The following HSD17B2 variants were observed in gnomAD, a reference collection of about 807,000 sequenced individuals.
The protein encoded by HSD17B2 is hydroxysteroid 17-beta dehydrogenase 2, also known as 17-beta-hydroxysteroid dehydrogenase type 2.
HSD17B2 carries 32 observed loss-of-function variants against 26.9 expected under a neutral mutation model. That is an observed-to-expected ratio of 1.19 (90% confidence interval 0.90 to 1.60). The LOEUF is 1.60. Ranked by LOEUF, HSD17B2 falls within the 40% of genes most tolerant of loss-of-function variation. HSD17B2 has a pLI of 0.00. For missense variants in HSD17B2, 613 were observed against 468.6 expected, an observed-to-expected ratio of 1.31 and a Z score of -2.85; for synonymous variants, 246 against 186.7, an observed-to-expected ratio of 1.32 and a Z score of -2.59.
At chr16:82,056,908 C>A (rs1364629665) in intron 1 of HSD17B2, among the ~76,000 whole-genome samples, 1 of 152,164 alleles carries the variant, frequency 6.6e-6, no homozygotes, top group African/African-American at 2.4e-5. Flanking sequence ...TATATTCTTT[C>A]TGAAGCTTGG....
chr16:82,084,968 CTT>C (rs970494209), intron 3 of HSD17B2, among the ~76,000 whole-genome samples: 4 of 152,234 alleles, frequency 2.6e-5, no homozygotes, highest in African/African-American at 7.2e-5. Flanking sequence ...AAACAATCCT[CTT>C]GTCTTGGCCT....
Position 82,076,110 on chromosome 16 carries a change from A to G in HSD17B2, c.664+4983A>G, listed in dbSNP as rs1904299630. 2.6e-5 allele frequency among the ~76,000 whole-genome samples: 4 copies of G among 152,208 alleles called. No individual in the cohort carries two copies. The South Asian group carries it at 8.3e-4, about 32-fold the overall frequency. On this transcript the variant is annotated intron_variant, in intron 3 of 4. Coordinates refer to ENST00000199936, the MANE Select transcript of HSD17B2 (RefSeq NM_002153.3). Reference sequence around the variant, plus strand: ...TCAATCAGTGTGATACATAATCTCAACAGAATGAAGGACAAAACCATATGA... The same window carrying G: ...TCAATCAGTGTGATACATAATCTCAGCAGAATGAAGGACAAAACCATATGA...
Position 82,035,340 on chromosome 16 carries a change from C to G in HSD17B2, c.-85C>G. 3 of 1,367,516 alleles carry G rather than the reference C, an allele frequency of 2.2e-6. No individual in the cohort carries two copies. The highest frequency in any genetic ancestry group is 3.0e-6 in the Non-Finnish European group (3 of 988,996). 84.7% of individuals were successfully genotyped at this position (1,367,516 alleles called of 1,614,324 possible). A position where few individuals can be genotyped will look rare whatever the true frequency, so the allele number is the denominator to read the frequency against. ...TCCCCTCCCTTCTTGACTCTCTGTT[C>G]ACAGAACTCAGGCTGCCTCCAGCCA... On this transcript the variant is annotated 5_prime_UTR_variant, in exon 1 of 5. Coordinates refer to ENST00000199936, the MANE Select transcript of HSD17B2 (RefSeq NM_002153.3).
intron 2 of HSD17B2, among the ~76,000 whole-genome samples, chr16:82,070,593 G>A (rs186830739): frequency 6.6e-6 from 1 of 152,228 alleles, no homozygotes; most frequent in Non-Finnish European, 1.5e-5. Context: ...CCCTATCAGT[G>A]GTTCCCTATC....
At chr16:82,082,301 G>A (rs1904405170) in intron 3 of HSD17B2, among the ~76,000 whole-genome samples, 1 of 152,070 alleles carries the variant, frequency 6.6e-6, no homozygotes. Flanking sequence ...TCTCATTTGG[G>A]CAGAGGTAGC....
In HSD17B2 at chr16:82,098,510, C is replaced by G; in HGVS notation, c.*74C>G. ...AGGGAAACTGGGAAACTGGGTTTCT[C>G]ATTAAAGTTGTTTCCCACTCTGTAT... On this transcript the variant is annotated 3_prime_UTR_variant, in exon 5 of 5. Transcript: ENST00000199936. 1 of 1,472,972 alleles carries G rather than the reference C, an allele frequency of 6.8e-7. No homozygotes were observed. The highest frequency in any genetic ancestry group is 9.1e-7 in the Non-Finnish European group (1 of 1,102,784). 91.2% of individuals were successfully genotyped at this position (1,472,972 alleles called of 1,614,324 possible).
intron 1 of HSD17B2, among the ~76,000 whole-genome samples, chr16:82,051,950 T>C (rs920041514): frequency 6.6e-6 from 1 of 152,250 alleles, no homozygotes; most frequent in African/African-American, 2.4e-5. Flanking sequence ...TGCTTCTTCA[T>C]GTGCCCTTGG....
chr16:82,089,574 G>C (rs369231769), intron 3 of HSD17B2, among the ~76,000 whole-genome samples: 1 of 152,194 alleles, frequency 6.6e-6, no homozygotes, highest in East Asian at 1.9e-4. Context: ...CACAAACGGA[G>C]TGGCTTAAAA....
At chr16:82,059,252 A>G (rs1205707241) in intron 1 of HSD17B2, among the ~76,000 whole-genome samples, 2 of 152,200 alleles carry the variant, frequency 1.3e-5, no homozygotes, top group Non-Finnish European at 2.9e-5. Context: ...GGCACTGTTG[A>G]TATTTGAGGA....
At chr16:82,087,210 T>C (rs923620336) in intron 3 of HSD17B2, among the ~76,000 whole-genome samples, 16 of 152,240 alleles carry the variant, frequency 1.1e-4, no homozygotes, top group Non-Finnish European at 1.9e-4. Flanking sequence ...ATAGATCTGC[T>C]ATACAACATT....
At chr16:82,075,908 T>TAAA (rs58081050) in intron 3 of HSD17B2, among the ~76,000 whole-genome samples, 6 of 134,692 alleles carry the variant, frequency 4.5e-5, no homozygotes, top group Admixed American at 7.5e-5. Context: ...AAATACATGT[T>TAAA]AAAAAAAAAA....
At chr16:82,052,681 A>G (rs1202762109) in intron 1 of HSD17B2, among the ~76,000 whole-genome samples, 2 of 152,192 alleles carry the variant, frequency 1.3e-5, no homozygotes, top group African/African-American at 2.4e-5. Flanking sequence ...TTTTATGCTC[A>G]AAACTCACAA....
chr16:82,066,668 C>A (rs1434132272), intron 1 of HSD17B2, among the ~76,000 whole-genome samples: 4 of 152,054 alleles, frequency 2.6e-5, no homozygotes, highest in Non-Finnish European at 4.4e-5. Flanking sequence ...TATTTTTTTA[C>A]ATTTCCACAC....
In HSD17B2 at chr16:82,066,336, C is replaced by T. The variant is rs114821462; in HGVS notation, c.266-1834C>T. On this transcript the variant is annotated intron_variant, in intron 1 of 4. Transcript: ENST00000199936. ...TGCAATCAGTGATGGCAACCAGAGG[C>T]GTTCATCTCATAATGGTGGTGTCAG... is the stretch of plus-strand genomic sequence containing the variant. 1.8e-3 allele frequency among the ~76,000 whole-genome samples: 273 copies of T among 152,214 alleles called. 1 individual carries two copies. The highest frequency in any genetic ancestry group is 6.0e-3 in the African/African-American group (251 of 41,536).
intron 1 of HSD17B2, among the ~76,000 whole-genome samples, chr16:82,061,944 A>G (rs985999338): frequency 6.6e-6 from 1 of 152,216 alleles, no homozygotes; most frequent in South Asian, 2.1e-4. Flanking sequence ...CTGTATTTAC[A>G]GGGTGGATGC....
intron 1 of HSD17B2, among the ~76,000 whole-genome samples, chr16:82,049,516 A>G (rs2143934436): frequency 6.6e-6 from 1 of 152,372 alleles, no homozygotes; most frequent in Middle Eastern, 3.4e-3. Flanking sequence ...AGGTCTGAAT[A>G]TATCTCCTGC....
Position 82,070,991 on chromosome 16 carries a change from T to C in HSD17B2, c.528T>C (p.Asp176=), listed in dbSNP as rs1914683983. The C allele has an allele frequency of 1.2e-6, 2 of 1,614,222 alleles. No individual in the cohort carries two copies. Among genetic ancestry groups the C allele is most frequent in the East Asian group, 4.5e-5 (2 of 44,888 alleles). The change falls in exon 3 of 5, where the codon GAT becomes GAC. Residue 176 remains aspartate, a synonymous_variant. Coordinates refer to ENST00000199936, the MANE Select transcript of HSD17B2 (RefSeq NM_002153.3). Reference sequence around the variant, plus strand: ...CTGGGGTGCTTGGCTTTCCAACTGATGGGGAGCTTCTTCTTATGACTGACT... The same window carrying C: ...CTGGGGTGCTTGGCTTTCCAACTGACGGGGAGCTTCTTCTTATGACTGACT... ...NNAGVLGFPT[D]GELLLMTDYK... is the part of the protein sequence containing the mutation.
intron 3 of HSD17B2, chr16:82,071,448 A>C (rs1199042404): frequency 2.4e-6 from 1 of 410,046 alleles, no homozygotes; most frequent in African/African-American, 2.0e-5. Context: ...AAATAATGTC[A>C]GCATTTCAGG....
At chr16:82,084,091 A>G (rs1276103502) in intron 3 of HSD17B2, among the ~76,000 whole-genome samples, 1 of 152,114 alleles carries the variant, frequency 6.6e-6, no homozygotes, top group African/African-American at 2.4e-5. Context: ...ATTTTGTGTC[A>G]TTGTGGCTTA....
Sources: gnomAD v4.1 joint callset for allele counts (sites outside exome capture counted in the v4.1 genomes callset) on GRCh38, gnomAD v4.1.1 for gene constraint, MANE v1.5 for transcripts, NCBI Gene and HGNC (gene_info 2026-07-23, HGNC 2026-07-21) for gene names.